CACNA1D: variants seen among roughly 807,000 people sequenced by gnomAD.
CACNA1D encodes the protein voltage-dependent L-type calcium channel subunit alpha-1D.
CACNA1D carries 55 observed loss-of-function variants against 257.1 expected under a neutral mutation model. The observed-to-expected ratio is 0.21, with a 90% confidence interval of 0.17 to 0.27. The LOEUF is 0.27. CACNA1D is among the 10% of genes least tolerant of loss of function. The probability of loss-of-function intolerance (pLI) is 1.00; values close to 1 mark genes in which losing one functional copy is unlikely to be tolerated. For synonymous variants in CACNA1D, 980 were observed against 1,014.9 expected (o/e 0.97, Z 0.65); for missense variants, 1,876 against 2,784.0 (o/e 0.67, Z 7.34).
chr3:53,714,026 A>T (rs548119094), intron 9 of CACNA1D, among the ~76,000 whole-genome samples: 202 of 152,184 alleles, frequency 1.3e-3, no homozygotes, highest in African/African-American at 4.6e-3. Context: ...CAGCAGGCAA[A>T]TTGCAGTGCC....
At chr3:53,681,072 A>G (rs1483226796) in intron 8 of CACNA1D, among the ~76,000 whole-genome samples, 1 of 152,196 alleles carries the variant, frequency 6.6e-6, no homozygotes, top group African/African-American at 2.4e-5. Context: ...CCACAGAGCA[A>G]AGGAGAGCCA....
intron 45 of CACNA1D, among the ~76,000 whole-genome samples, chr3:53,806,073 CTCA>C (rs1362026811): frequency 6.8e-6 from 1 of 146,024 alleles, no homozygotes; most frequent in East Asian, 2.1e-4. Context: ...CTCATTTTCT[CTCA>C]TCTTCCCTCA....
At chr3:53,647,711 T>G (rs547061027) in intron 3 of CACNA1D, among the ~76,000 whole-genome samples, 5 of 152,246 alleles carry the variant, frequency 3.3e-5, no homozygotes, top group Non-Finnish European at 5.9e-5. Flanking sequence ...AAATAATACT[T>G]CATTTGTTGA....
intron 40 of CACNA1D, among the ~76,000 whole-genome samples, chr3:53,799,726 C>T (rs573503679): frequency 5.3e-5 from 8 of 152,316 alleles, no homozygotes; most frequent in African/African-American, 1.9e-4. Context: ...TCACTCGTTC[C>T]ATGGCTTTTT....
intron 3 of CACNA1D, among the ~76,000 whole-genome samples, chr3:53,593,101 A>G (rs894185002): frequency 1.3e-5 from 2 of 152,248 alleles, no homozygotes; most frequent in Non-Finnish European, 2.9e-5. Context: ...TGGGGGAGCT[A>G]AAGCAGGTGC....
intron 3 of CACNA1D, among the ~76,000 whole-genome samples, chr3:53,530,894 G>A (rs2091925728): frequency 6.6e-6 from 1 of 151,876 alleles, no homozygotes; most frequent in South Asian, 2.1e-4. Context: ...TGTTGCCCAG[G>A]CTGGAGTGCA....
intron 3 of CACNA1D, among the ~76,000 whole-genome samples, chr3:53,507,966 C>A (rs748000786): frequency 2.4e-5 from 3 of 125,382 alleles, no homozygotes; most frequent in Non-Finnish European, 5.5e-5. Context: ...TGGCATCAGA[C>A]ACAGCTGGAA....
At chr3:53,667,578 G>T (rs1413840306) in intron 7 of CACNA1D, among the ~76,000 whole-genome samples, 2 of 152,104 alleles carry the variant, frequency 1.3e-5, no homozygotes, top group Admixed American at 1.3e-4. Context: ...TACTTTTCAG[G>T]ATTTCCTATA....
chr3:53,608,912 G>A (rs1232446584), intron 3 of CACNA1D, among the ~76,000 whole-genome samples: 1 of 152,108 alleles, frequency 6.6e-6, no homozygotes, highest in Admixed American at 6.5e-5. Context: ...TTATGTCTGT[G>A]TACATGAGGG....
chr3:53,556,406 C>G (rs1352114016), intron 3 of CACNA1D, among the ~76,000 whole-genome samples: 1 of 152,214 alleles, frequency 6.6e-6, no homozygotes, highest in African/African-American at 2.4e-5. Context: ...CTTGCCAACA[C>G]TTAATCGTGT....
intron 3 of CACNA1D, among the ~76,000 whole-genome samples, chr3:53,584,449 G>A (rs1443946651): frequency 6.6e-6 from 1 of 152,180 alleles, no homozygotes; most frequent in Non-Finnish European, 1.5e-5. Context: ...AAAACCTGCA[G>A]AACCTTTACC....
rs55797424 is a variant in CACNA1D, at chr3:53,722,445, A to G, written c.1637A>G (p.Asn546Ser). 94 of 1,614,206 alleles carry G rather than the reference A, an allele frequency of 5.8e-5. No individual in the cohort carries two copies. The highest frequency in any genetic ancestry group is 4.0e-4 in the East Asian group (18 of 44,884). The change falls in exon 12 of 48, where the codon AAT (asparagine) becomes AGT (serine). Residue 546 changes from asparagine (N) to serine (S), a missense_variant. Transcript: ENST00000350061. ...NTLTISSEHY[N>S]QPDWLTQIQD... ...TTAACCATTTCCTCTGAGCACTACA[A>G]TCAGCCAGATTGGTTGACACAGATT...
At chr3:53,807,666 G>C (rs1302521846) in intron 45 of CACNA1D, 1 of 152,510 alleles carries the variant, frequency 6.6e-6, no homozygotes, top group Admixed American at 6.5e-5. Context: ...TCTGGGAGGA[G>C]GCTGCTGGCT....
chr3:53,724,374 T>G (rs1208597033), intron 14 of CACNA1D, among the ~76,000 whole-genome samples: 1 of 152,218 alleles, frequency 6.6e-6, no homozygotes, highest in Non-Finnish European at 1.5e-5. Flanking sequence ...ATAATCCTAG[T>G]TATAATAGAT....
chr3:53,666,206 A>G (rs2108365816), intron 6 of CACNA1D, 133 bp from the exon 7 acceptor site: 1 of 835,838 alleles, frequency 1.2e-6, no homozygotes, highest in Non-Finnish European at 2.1e-6. Flanking sequence ...CTTGAAGGAC[A>G]AGCAGGATCC....
chr3:53,542,825 C>T (rs1180176109), intron 3 of CACNA1D, among the ~76,000 whole-genome samples: 3 of 151,872 alleles, frequency 2.0e-5, no homozygotes, highest in Non-Finnish European at 4.4e-5. Context: ...GAGGTTGAGG[C>T]GGGTGGATCA....
intron 4 of CACNA1D, among the ~76,000 whole-genome samples, chr3:53,658,937 A>G (rs1040115448): frequency 6.6e-6 from 1 of 152,192 alleles, no homozygotes; most frequent in Non-Finnish European, 1.5e-5. Flanking sequence ...AACTATACCC[A>G]ATCAGGGCTG....
At chr3:53,579,631 T>G (rs1390255740) in intron 3 of CACNA1D, among the ~76,000 whole-genome samples, 1 of 152,188 alleles carries the variant, frequency 6.6e-6, no homozygotes, top group Non-Finnish European at 1.5e-5. Flanking sequence ...ACCCAGTGAT[T>G]TTCAAAAACA....
At chr3:53,530,015 G>A (rs2091894973) in intron 3 of CACNA1D, among the ~76,000 whole-genome samples, 1 of 152,110 alleles carries the variant, frequency 6.6e-6, no homozygotes, top group South Asian at 2.1e-4. Flanking sequence ...TGGTTACCTG[G>A]CCTCAGATAA....
Sources: gnomAD v4.1 joint callset for allele counts (sites outside exome capture counted in the v4.1 genomes callset) on GRCh38, gnomAD v4.1.1 for gene constraint, MANE v1.5 for transcripts, NCBI Gene and HGNC (gene_info 2026-07-23, HGNC 2026-07-21) for gene names.